CRACD: variants seen among roughly 807,000 people sequenced by gnomAD.
CRACD encodes the protein capping protein inhibiting regulator of actin dynamics, also known as capping protein-inhibiting regulator of actin dynamics.
Under a neutral mutation model 106.8 loss-of-function variants are expected in CRACD, and 56 were observed. That is an observed-to-expected ratio of 0.52 (90% confidence interval 0.42 to 0.66). CRACD has a LOEUF of 0.66. Among genes scored for constraint, CRACD ranks in the 30% least tolerant of loss-of-function variants. The pLI is 0.00. For synonymous variants in CRACD, 754 were observed against 670.8 expected, an observed-to-expected ratio of 1.12 and a Z score of -1.92; for missense variants, 1,730 against 1,623.2, an observed-to-expected ratio of 1.07 and a Z score of -1.13.
intron 2 of CRACD, among the ~76,000 whole-genome samples, chr4:56,220,904 AAGAT>A (rs1263345936): frequency 6.6e-6 from 1 of 152,134 alleles, no homozygotes; most frequent in Non-Finnish European, 1.5e-5. Flanking sequence ...TGGATCTTGA[AAGAT>A]AGATAGAAAG....
chr4:56,088,739 A>G (rs1733317094), intron 1 of CRACD, among the ~76,000 whole-genome samples: 1 of 150,516 alleles, frequency 6.6e-6, no homozygotes, highest in Non-Finnish European at 1.5e-5. Context: ...TTTTTTTTTG[A>G]CGGAATCTTG....
intron 1 of CRACD, among the ~76,000 whole-genome samples, chr4:56,101,413 C>T (rs1239812865): frequency 6.6e-6 from 1 of 152,132 alleles, no homozygotes; most frequent in Admixed American, 6.6e-5. Flanking sequence ...CTAGAGGAGA[C>T]TGCTGTGTTG....
chr4:56,216,837 G>C (rs532309665), intron 2 of CRACD, among the ~76,000 whole-genome samples: 1 of 150,698 alleles, frequency 6.6e-6, no homozygotes, highest in African/African-American at 2.4e-5. Flanking sequence ...AAAATTAGCC[G>C]GGCGCGGTGG....
chr4:56,168,950 A>C (rs1271013661), intron 1 of CRACD, among the ~76,000 whole-genome samples: 2 of 152,168 alleles, frequency 1.3e-5, no homozygotes, highest in African/African-American at 4.8e-5. Context: ...GAAAAACGTC[A>C]TCAGTAGTTC....
intron 2 of CRACD, among the ~76,000 whole-genome samples, chr4:56,264,066 G>T (rs1446422789): frequency 6.6e-6 from 1 of 152,150 alleles, no homozygotes. Context: ...AGGCAAAGGG[G>T]AAGCAGGCAC....
chr4:56,091,667 T>C (rs1733429499), intron 1 of CRACD, among the ~76,000 whole-genome samples: 1 of 152,330 alleles, frequency 6.6e-6, no homozygotes, highest in East Asian at 1.9e-4. Flanking sequence ...GCCATTGTCA[T>C]GTGCTCTGTT....
intron 2 of CRACD, among the ~76,000 whole-genome samples, chr4:56,209,289 C>T: frequency 6.6e-6 from 1 of 152,082 alleles, no homozygotes; most frequent in Non-Finnish European, 1.5e-5. Context: ...CTTTAAGTAA[C>T]TTAAGTAACC....
chr4:56,063,870 A>C (rs1401849048), intron 1 of CRACD, among the ~76,000 whole-genome samples: 1 of 152,184 alleles, frequency 6.6e-6, no homozygotes, highest in East Asian at 1.9e-4. Context: ...AAGGAATGGA[A>C]TTGCTGGATC....
chr4:56,280,969 T>C (rs1289777225), intron 3 of CRACD, among the ~76,000 whole-genome samples: 1 of 152,108 alleles, frequency 6.6e-6, no homozygotes, highest in East Asian at 1.9e-4. Context: ...GAATAGGGAA[T>C]GGTGAAGAGG....
At chr4:56,282,011 T>G (rs1018701888) in intron 3 of CRACD, among the ~76,000 whole-genome samples, 5 of 152,188 alleles carry the variant, frequency 3.3e-5, no homozygotes, top group Non-Finnish European at 7.3e-5. Context: ...AATACGGAAG[T>G]TCAGGATGAG....
At chr4:56,191,768 T>A (rs902007524) in intron 2 of CRACD, among the ~76,000 whole-genome samples, 3 of 152,228 alleles carry the variant, frequency 2.0e-5, no homozygotes, top group African/African-American at 7.2e-5. Flanking sequence ...GAAAGTGAAT[T>A]CTGAGTTGTG....
rs376127319 is a variant in CRACD at position 56,315,608 on chromosome 4, G to A, written c.2106G>A (p.Arg702=). 2 of 1,614,092 alleles carry A rather than the reference G, an allele frequency of 1.2e-6. No homozygotes were observed. The highest frequency in any genetic ancestry group is 2.7e-5 in the African/African-American group (2 of 74,944). Residue 702 remains arginine, a synonymous_variant, in exon 8 of 11, where the codon CGG becomes CGA. Transcript: ENST00000682029. The surrounding 1 kb of genome is among the most constrained non-coding windows in gnomAD (Gnocchi z 4.1). ...GTGATGAGTCCACTCCCAGGGGCCG[G>A]TGTGATTCCCGCGGGAACCAACGGA... ...RPGDESTPRG[R]CDSRGNQRKT...
Position 56,293,845 on chromosome 4 carries a change from G to A in CRACD, c.-16-4369G>A, listed in dbSNP as rs531659507. Among the ~76,000 whole-genome samples the A allele has an allele frequency of 1.2e-4, 19 of 152,252 alleles. No homozygotes were observed. In the South Asian group the frequency reaches 2.1e-3, roughly 17 times the overall value. ...ACTACAATTTGACATGAGATTTGTC[G>A]GGGACACAGATCCAAACCATATCAG... On this transcript the variant is annotated intron_variant, in intron 3 of 10. Transcript: ENST00000682029.
At chr4:56,118,352 A>G (rs1321860959) in intron 1 of CRACD, among the ~76,000 whole-genome samples, 1 of 152,204 alleles carries the variant, frequency 6.6e-6, no homozygotes, top group Non-Finnish European at 1.5e-5. Flanking sequence ...TACTTACTGC[A>G]TGCTAAGTGC....
At chr4:56,137,734 T>C (rs1311809888) in intron 1 of CRACD, among the ~76,000 whole-genome samples, 1 of 152,204 alleles carries the variant, frequency 6.6e-6, no homozygotes, top group Non-Finnish European at 1.5e-5. Context: ...ACGCCTGTAG[T>C]CCCAGCTACT....
Position 56,192,423 on chromosome 4 carries a change from TG to T in CRACD, c.-189+12996del, listed in dbSNP as rs1274340153. On this transcript the variant is annotated intron_variant, in intron 2 of 10. Coordinates refer to ENST00000682029, the MANE Select transcript of CRACD (RefSeq NM_001393381.1). The stretch of plus-strand genomic sequence containing the variant: ...AAAAAAAAAAGAAAGTATACTGTGC[TG>T]GGAATTTTAACTTTTAACAATGTCA... 2.0e-4 allele frequency among the ~76,000 whole-genome samples: 30 copies of T among 151,778 alleles called. No individual in the cohort carries two copies. In the East Asian group the frequency reaches 3.1e-3, roughly 16 times the overall value.
chr4:56,266,179 A>G (rs1000866435), intron 2 of CRACD, among the ~76,000 whole-genome samples: 2 of 152,232 alleles, frequency 1.3e-5, no homozygotes, highest in African/African-American at 4.8e-5. Context: ...ATGCATATGT[A>G]AGTTCTTTCA....
At chr4:56,103,245 C>G (rs906191715) in intron 1 of CRACD, among the ~76,000 whole-genome samples, 6 of 152,114 alleles carry the variant, frequency 3.9e-5, no homozygotes, top group African/African-American at 1.4e-4. Context: ...ACCATATGGA[C>G]TGTATTGAAG....
intron 8 of CRACD, among the ~76,000 whole-genome samples, chr4:56,319,878 T>C (rs1745954919): frequency 6.6e-6 from 1 of 152,100 alleles, no homozygotes; most frequent in Non-Finnish European, 1.5e-5. Context: ...GTGCTTGTAC[T>C]ATAAACACTT....
Sources: gnomAD v4.1 joint callset for allele counts (sites outside exome capture counted in the v4.1 genomes callset) on GRCh38, gnomAD v4.1.1 for gene constraint, Gnocchi (gnomAD v3.1) non-coding constraint, MANE v1.5 for transcripts, NCBI Gene and HGNC (gene_info 2026-07-23, HGNC 2026-07-21) for gene names.